Variants in GRIN2D observed in about 807,000 individuals in gnomAD.
The protein encoded by GRIN2D is glutamate ionotropic receptor NMDA type subunit 2D, also known as glutamate receptor ionotropic, NMDA 2D.
A neutral mutation model predicts 103.2 loss-of-function variants in GRIN2D; 37 were observed. That is an observed-to-expected ratio of 0.36 (90% CI 0.28 to 0.47). The LOEUF (loss-of-function observed/expected upper bound fraction) is 0.47. Among genes scored for constraint, GRIN2D ranks in the 20% least tolerant of loss-of-function variants. The pLI is 1.00. For missense variants in GRIN2D, 1,557 were observed against 1,910.6 expected (o/e 0.81, Z 3.45); for synonymous variants, 845 against 885.6 (o/e 0.95, Z 0.81).
In GRIN2D at chr19:48,442,714, G is replaced by C; in HGVS notation, c.2788G>C (p.Ala930Pro). Residue 930 changes from alanine to proline, a missense_variant, in exon 14 of 14, where the codon GCA becomes CCA. Transcript: ENST00000263269. This position sits in a 1 kb window ranked among gnomAD's most constrained non-coding sequence, Gnocchi z 7.2. ...CGCGCCGCGGCCGGCTCCCGGGCCC[G>C]CACCTTTCGTGCCCCGCGAGCGCGC... The part of the protein sequence containing the change: ...YPAPRPAPGP[A>P]PFVPRERASV... 2 of 1,138,230 alleles carry C rather than the reference G, an allele frequency of 1.8e-6. No homozygotes were observed. Among genetic ancestry groups the C allele is most frequent in the Non-Finnish European group, 2.2e-6 (2 of 928,172 alleles). The allele number at this position is 1,138,230 out of a possible 1,614,324, so 70.5% of individuals were successfully genotyped here. A position where few individuals can be genotyped will look rare whatever the true frequency, so the allele number is the denominator to read the frequency against.
In GRIN2D at chr19:48,405,339, C is replaced by T. The variant is rs1030873688; in HGVS notation, c.1071C>T (p.Gly357=). ...GCGCCCAGAACCGCACCCACCGCGG[C>T]GAGAGTCTGCATAGGTGAGTGGGGC... The part of the protein sequence containing the change: ...DCRAQNRTHR[G]ESLHRYFMNI... The change falls in exon 4 of 14, where the codon GGC becomes GGT. Residue 357 remains glycine, a synonymous_variant. Transcript: ENST00000263269. This position sits in a 1 kb window ranked among gnomAD's most constrained non-coding sequence, Gnocchi z 5.1. 3 of 1,585,478 alleles carry T rather than the reference C, an allele frequency of 1.9e-6. No homozygotes were observed. Among genetic ancestry groups the T allele is most frequent in the African/African-American group, 2.7e-5 (2 of 74,094 alleles).
chr19:48,407,438 A>G (rs781321670), intron 4 of GRIN2D, among the ~76,000 whole-genome samples: 1 of 151,986 alleles, frequency 6.6e-6, no homozygotes. Context: ...GCTGGTCACA[A>G]CTCATCCCTC....
chr19:48,410,045 A>G (rs1334666191), intron 4 of GRIN2D, among the ~76,000 whole-genome samples: 1 of 151,316 alleles, frequency 6.6e-6, no homozygotes. Flanking sequence ...TCAGCCTCCC[A>G]AAGTGCTGGG....
intron 11 of GRIN2D, among the ~76,000 whole-genome samples, chr19:48,422,982 G>A (rs1296875689): frequency 6.6e-6 from 1 of 152,004 alleles, no homozygotes; most frequent in Non-Finnish European, 1.5e-5. Flanking sequence ...AGGCCGAGAC[G>A]GGCAGATCAT....
intron 11 of GRIN2D, among the ~76,000 whole-genome samples, chr19:48,423,332 T>G (rs974841675): frequency 6.6e-6 from 1 of 152,206 alleles, no homozygotes; most frequent in Admixed American, 6.6e-5. Context: ...CCGTGTGCAT[T>G]TTTCTTATCC....
At chr19:48,424,321 A>G (rs1600985220) in intron 11 of GRIN2D, among the ~76,000 whole-genome samples, 2 of 131,604 alleles carry the variant, frequency 1.5e-5, no homozygotes, top group Admixed American at 8.9e-5. Context: ...CCCAGGCTGG[A>G]GTGCAGTGGC....
chr19:48,418,493 G>T (rs144832115), intron 8 of GRIN2D, among the ~76,000 whole-genome samples: 15 of 152,200 alleles, frequency 9.9e-5, no homozygotes, highest in African/African-American at 3.1e-4. Context: ...GTGCTGTGTG[G>T]GGGATAGGCT....
Position 48,414,823 on chromosome 19 carries a change from A to T in GRIN2D, c.1413-41A>T. ...CCTCTCTTCATGAGAGAGTCTAAGG[A>T]GGGGGTCCCCAAACTCCCCAAGCCT... On this transcript the variant is annotated intron_variant, in intron 6 of 13. Coordinates refer to ENST00000263269, the MANE Select transcript of GRIN2D (RefSeq NM_000836.4). The surrounding 1 kb of genome is among the most constrained non-coding windows in gnomAD (Gnocchi z 4.6). The T allele has an allele frequency of 1.2e-6, 2 of 1,604,454 alleles. No individual in the cohort carries two copies. Among genetic ancestry groups the T allele is most frequent in the Non-Finnish European group, 1.7e-6 (2 of 1,174,214 alleles).
At chr19:48,422,128 G>C (rs1179056050) in intron 11 of GRIN2D, among the ~76,000 whole-genome samples, 183 bp downstream of exon 11, 1 of 152,136 alleles carries the variant, frequency 6.6e-6, no homozygotes. Flanking sequence ...AGGCTCCTTG[G>C]GATATTTTCT....
rs1226450349 is a variant in GRIN2D at position 48,398,822 on chromosome 19, G to T, written c.430G>T (p.Val144Leu). The T allele has an allele frequency of 4.9e-6, 7 of 1,419,698 alleles. No homozygotes were observed. Among genetic ancestry groups the T allele is most frequent in the Non-Finnish European group, 6.4e-6 (7 of 1,089,230 alleles). 87.9% of individuals were successfully genotyped at this position (1,419,698 alleles called of 1,614,324 possible). A position where few individuals can be genotyped will look rare whatever the true frequency, so the allele number is the denominator to read the frequency against. Reference protein sequence around the residue: ...SAQTSLPIVAVHGGAALVLTP... With the variant: ...SAQTSLPIVALHGGAALVLTP... ...GCAGACCTCGCTGCCCATCGTGGCC[G>T]TGCACGGCGGCGCCGCGCTCGTGCT... Residue 144 changes from valine (V) to leucine (L), a missense_variant, in exon 3 of 14, where the codon GTG becomes TTG. This residue lies in a region of GRIN2D where 490 missense variants were observed against 601.1 expected (regional missense o/e 0.82). Transcript: ENST00000263269.
intron 8 of GRIN2D, among the ~76,000 whole-genome samples, chr19:48,417,573 G>A (rs1361100401): frequency 6.6e-6 from 1 of 152,186 alleles, no homozygotes; most frequent in Non-Finnish European, 1.5e-5. Context: ...TTTGTTTTCT[G>A]TTTATTTCGC....
intron 4 of GRIN2D, among the ~76,000 whole-genome samples, chr19:48,410,527 CAAAAAAA>C (rs4009666): frequency 2.4e-4 from 11 of 45,422 alleles, no homozygotes; most frequent in Admixed American, 1.9e-3. Flanking sequence ...GACTCTGACT[CAAAAAAA>C]AAAAAAAAAA....
chr19:48,398,976 C>A, intron 3 of GRIN2D, 119 bp downstream of exon 3: 3 of 980,248 alleles, frequency 3.1e-6, no homozygotes, highest in South Asian at 5.7e-5. Context: ...CCTGTGGGTC[C>A]GAGTCTGGGA....
At position 48,443,022 on chromosome 19, in the gene GRIN2D, G is replaced by GC; in HGVS notation, c.3102dup (p.Ala1035ArgfsTer297). The GC allele has an allele frequency of 2.9e-6, 3 of 1,047,180 alleles. No individual in the cohort carries two copies. The highest frequency in any genetic ancestry group is 3.4e-6 in the Non-Finnish European group (3 of 874,644). 64.9% of individuals were successfully genotyped at this position (1,047,180 alleles called of 1,614,324 possible). ...TCCCCGGCTTCCCGTCGCCGCCCGC[G>GC]CCCCCCGCCGCCGCGGCCACCGCCG... On this transcript the variant is annotated frameshift_variant, in exon 14 of 14. Coordinates refer to ENST00000263269, the MANE Select transcript of GRIN2D (RefSeq NM_000836.4). LOFTEE classifies it high-confidence loss of function. The surrounding 1 kb of genome is among the most constrained non-coding windows in gnomAD (Gnocchi z 8.9).
chr19:48,432,777 T>C (rs1971173683), intron 11 of GRIN2D, among the ~76,000 whole-genome samples: 1 of 151,312 alleles, frequency 6.6e-6, no homozygotes, highest in African/African-American at 2.4e-5. Context: ...GACTTTCTTT[T>C]TTTTTTTTTT....
chr19:48,440,167 C>T (rs1239999485), intron 11 of GRIN2D, among the ~76,000 whole-genome samples: 7 of 151,718 alleles, frequency 4.6e-5, no homozygotes, highest in East Asian at 3.9e-4. Flanking sequence ...GCTGAGATCA[C>T]GCCTCTGCAC....
At chr19:48,395,743 G>A (rs960294588) in intron 2 of GRIN2D, among the ~76,000 whole-genome samples, 1 of 152,070 alleles carries the variant, frequency 6.6e-6, no homozygotes, top group Admixed American at 6.6e-5. Context: ...TCGGTGGGGG[G>A]GCACCCAGGA....
chr19:48,402,043 T>A (rs765759193), intron 3 of GRIN2D, among the ~76,000 whole-genome samples: 13 of 150,934 alleles, frequency 8.6e-5, no homozygotes, highest in Non-Finnish European at 1.8e-4. Context: ...GAGGTTGCAG[T>A]GAGGCGAGAT....
chr19:48,440,674 T>TTTCCCCA (rs2147473696), intron 11 of GRIN2D, among the ~76,000 whole-genome samples: 1 of 11,396 alleles, frequency 8.8e-5, no homozygotes, highest in Non-Finnish European at 3.2e-4. Flanking sequence ...TGCATTATTT[T>TTTCCCCA]TTTCCCTCAA....
Sources: gnomAD v4.1 joint callset for allele counts (sites outside exome capture counted in the v4.1 genomes callset) on GRCh38, gnomAD v4.1.1 for gene constraint, gnomAD v4.1.1 regional missense constraint, Gnocchi (gnomAD v3.1) non-coding constraint, MANE v1.5 for transcripts, NCBI Gene and HGNC (gene_info 2026-07-23, HGNC 2026-07-21) for gene names.